Variants in GRID2 observed in about 807,000 individuals in gnomAD.
The protein encoded by GRID2 is glutamate ionotropic receptor delta type subunit 2, also known as glutamate receptor ionotropic, delta-2.
GRID2 carries 33 observed loss-of-function variants against 114.8 expected under a neutral mutation model. The ratio of observed to expected loss-of-function variants is 0.29; its 90% CI spans 0.22 to 0.38. GRID2 has a LOEUF of 0.38. Ranked by LOEUF, GRID2 falls within the 10% of genes least tolerant of loss-of-function variation. The pLI is 1.00. For missense variants in GRID2, 1,184 were observed against 1,257.7 expected, an observed-to-expected ratio of 0.94 and a Z score of 0.89; for synonymous variants, 505 against 449.9, an observed-to-expected ratio of 1.12 and a Z score of -1.55.
chr4:93,320,175 G>C (rs1212784300), intron 8 of GRID2, among the ~76,000 whole-genome samples: 3 of 152,098 alleles, frequency 2.0e-5, no homozygotes, highest in Non-Finnish European at 4.4e-5. Flanking sequence ...GTTAGAAGAA[G>C]ACAATTGGAG....
rs1293284920 is a variant in GRID2, at chr4:92,676,400, T to TG, written c.244+86114_244+86115insG. ...TTTCACTGTGTTAGCCAGGATGGTC[T>TG]CGATCTTCTGACCTCATGATCTGCC... On this transcript the variant is annotated intron_variant, in intron 2 of 15. Coordinates refer to ENST00000282020, the MANE Select transcript of GRID2 (RefSeq NM_001510.4). Among the ~76,000 whole-genome samples, 6 of 152,068 alleles carry TG rather than the reference T, an allele frequency of 3.9e-5. No homozygotes were observed. In the East Asian group the frequency reaches 1.2e-3, roughly 30 times the overall value.
intron 2 of GRID2, among the ~76,000 whole-genome samples, chr4:92,795,622 A>G (rs577991962): frequency 1.3e-5 from 2 of 152,064 alleles, no homozygotes; most frequent in East Asian, 3.9e-4. Flanking sequence ...ATACCATACC[A>G]ATCCTTCTTA....
At chr4:92,988,540 T>C (rs1754648909) in intron 2 of GRID2, among the ~76,000 whole-genome samples, 1 of 152,164 alleles carries the variant, frequency 6.6e-6, no homozygotes, top group African/African-American at 2.4e-5. Context: ...CAGATCTCAC[T>C]TGAAGAGAGA....
At chr4:93,156,501 A>T (rs1737198835) in intron 4 of GRID2, among the ~76,000 whole-genome samples, 1 of 151,716 alleles carries the variant, frequency 6.6e-6, no homozygotes, top group Non-Finnish European at 1.5e-5. Context: ...AAAGAAGAAG[A>T]TTCACAGGCC....
rs115918463 is a variant in GRID2 at position 92,516,417 on chromosome 4, A to G, written c.89-73714A>G. Reference sequence around the variant, plus strand: ...AACCACATTTAATAGTAGGCAATCAATGATGTTCAGCTTTGACCCAGAGTT... The same window carrying G: ...AACCACATTTAATAGTAGGCAATCAGTGATGTTCAGCTTTGACCCAGAGTT... On this transcript the variant is annotated intron_variant, in intron 1 of 15. Coordinates refer to ENST00000282020, the MANE Select transcript of GRID2 (RefSeq NM_001510.4). 2.3e-3 allele frequency among the ~76,000 whole-genome samples: 357 copies of G among 152,004 alleles called. 2 individuals are homozygous for G. The highest frequency in any genetic ancestry group is 8.3e-3 in the African/African-American group (344 of 41,514).
intron 2 of GRID2, among the ~76,000 whole-genome samples, chr4:92,812,338 C>T (rs757614716): frequency 6.6e-5 from 10 of 151,852 alleles, no homozygotes; most frequent in African/African-American, 9.7e-5. Context: ...TCTGCCAAAT[C>T]GGATAAATAA....
chr4:92,687,809 A>C (rs1401124929), intron 2 of GRID2, among the ~76,000 whole-genome samples: 1 of 151,962 alleles, frequency 6.6e-6, no homozygotes, highest in Non-Finnish European at 1.5e-5. Context: ...AGCCTGGGCG[A>C]CAAAGCAAGA....
chr4:93,093,562 C>T (rs889147679), intron 3 of GRID2, among the ~76,000 whole-genome samples: 1 of 151,930 alleles, frequency 6.6e-6, no homozygotes, highest in Non-Finnish European at 1.5e-5. Flanking sequence ...ATTATATACT[C>T]AATGTAGGAA....
chr4:92,404,962 C>T (rs1730956150), intron 1 of GRID2, among the ~76,000 whole-genome samples: 1 of 152,114 alleles, frequency 6.6e-6, no homozygotes, highest in African/African-American at 2.4e-5. Flanking sequence ...ATAGGTGCAG[C>T]GTACCACCAT....
intron 9 of GRID2, among the ~76,000 whole-genome samples, chr4:93,397,300 C>A (rs779552824): frequency 6.6e-6 from 1 of 151,718 alleles, no homozygotes; most frequent in African/African-American, 2.4e-5. Context: ...AATGTGAATT[C>A]GCTTCTGTAT....
chr4:93,138,963 ATTC>A (rs1735515386), intron 4 of GRID2, among the ~76,000 whole-genome samples: 1 of 152,188 alleles, frequency 6.6e-6, no homozygotes, highest in Non-Finnish European at 1.5e-5. Flanking sequence ...ATCTCCTGCT[ATTC>A]TTTCATTTAC....
intron 9 of GRID2, among the ~76,000 whole-genome samples, chr4:93,409,107 A>G (rs1032767779): frequency 6.6e-6 from 1 of 152,150 alleles, no homozygotes. Flanking sequence ...ACTTAATACC[A>G]TTGGGAGGAA....
At chr4:93,239,277 A>T (rs1561028033) in intron 8 of GRID2, among the ~76,000 whole-genome samples, 1 of 149,690 alleles carries the variant, frequency 6.7e-6, no homozygotes, top group Non-Finnish European at 1.5e-5. Context: ...TCATATAAAT[A>T]TATCAAATCA....
At chr4:93,579,996 A>G (rs1238738921) in intron 13 of GRID2, among the ~76,000 whole-genome samples, 1 of 152,204 alleles carries the variant, frequency 6.6e-6, no homozygotes, top group Non-Finnish European at 1.5e-5. Context: ...CTCTCCAAAA[A>G]TTATTTTGAA....
chr4:92,471,003 A>G (rs1363745866), intron 1 of GRID2, among the ~76,000 whole-genome samples: 1 of 152,004 alleles, frequency 6.6e-6, no homozygotes, highest in Non-Finnish European at 1.5e-5. Flanking sequence ...TGTGTAGTAT[A>G]TTGTAACACA....
At position 92,435,273 on chromosome 4, in the gene GRID2, G is replaced by C. The variant is rs1235054118; in HGVS notation, c.88+130529G>C. ...TAGGGTATGTAAATTATTTCAACCT[G>C]AGTGTAGCTTTGTGATCGAAGGAGT... On this transcript the variant is annotated intron_variant, in intron 1 of 15. Coordinates refer to ENST00000282020, the MANE Select transcript of GRID2 (RefSeq NM_001510.4). Among the ~76,000 whole-genome samples, 3 of 152,258 alleles carry C rather than the reference G, an allele frequency of 2.0e-5. No homozygotes were observed. The East Asian group carries it at 5.8e-4, about 29-fold the overall frequency.
intron 8 of GRID2, among the ~76,000 whole-genome samples, chr4:93,250,111 A>T (rs1173609331): frequency 6.6e-6 from 1 of 152,158 alleles, no homozygotes; most frequent in East Asian, 1.9e-4. Context: ...TCCATCAATG[A>T]TAGACTGGAT....
At chr4:92,316,891 G>A (rs567190528) in intron 1 of GRID2, among the ~76,000 whole-genome samples, 90 of 152,160 alleles carry the variant, frequency 5.9e-4, no homozygotes, top group Non-Finnish European at 9.3e-4. Context: ...GTAGCTATAG[G>A]CTACAAAGTA....
intron 2 of GRID2, among the ~76,000 whole-genome samples, chr4:92,656,663 C>T (rs1293727754): frequency 6.6e-6 from 1 of 151,680 alleles, no homozygotes; most frequent in African/African-American, 2.4e-5. Context: ...CCTACAATTG[C>T]TCTGTCACCC....
Sources: allele counts gnomAD v4.1 joint callset (sites outside exome capture counted in the v4.1 genomes callset), GRCh38; gene constraint gnomAD v4.1.1; transcripts MANE v1.5; gene names NCBI Gene and HGNC (gene_info 2026-07-23, HGNC 2026-07-21).